The following HS3ST4 variants were observed in gnomAD, a reference collection of about 807,000 sequenced individuals.
The protein encoded by HS3ST4 is heparan sulfate glucosamine 3-O-sulfotransferase 4.
In HS3ST4, 17 loss-of-function variants were observed where a neutral mutation model predicts 29.2. The observed-to-expected ratio is 0.58, with a 90% confidence interval of 0.40 to 0.87. HS3ST4 has a LOEUF of 0.87. HS3ST4 is among the 40% of genes least tolerant of loss of function. The pLI is 0.00. For synonymous variants in HS3ST4, 314 were observed against 285.7 expected (o/e 1.10, Z -1.00); for missense variants, 627 against 634.5 (o/e 0.99, Z 0.13).
Position 25,692,900 on chromosome 16 carries a change from G to A in HS3ST4, c.483G>A (p.Ala161=), listed in dbSNP as rs2141576896. The change falls in exon 1 of 2, where the codon GCG becomes GCA. Residue 161 remains alanine, a synonymous_variant. Transcript: ENST00000331351. ...TAQSALPERE[A]QESSTTDEDL... is the part of the protein sequence containing the mutation. ...AGAGCGCGCTGCCGGAGAGGGAAGC[G>A]CAGGAGTCCAGCACCACCGACGAGG... 2 of 1,584,376 alleles carry A rather than the reference G, an allele frequency of 1.3e-6. No homozygotes were observed. The highest frequency in any genetic ancestry group is 1.7e-6 in the Non-Finnish European group (2 of 1,166,462).
At chr16:26,051,689 C>T (rs578085715) in intron 1 of HS3ST4, among the ~76,000 whole-genome samples, 1 of 150,890 alleles carries the variant, frequency 6.6e-6, no homozygotes, top group African/African-American at 2.4e-5. Flanking sequence ...TCTCATCTTC[C>T]CTCCCTCTCT....
intron 1 of HS3ST4, among the ~76,000 whole-genome samples, chr16:25,727,829 A>T (rs1383820577): frequency 2.0e-4 from 31 of 152,290 alleles, no homozygotes; most frequent in Admixed American, 2.0e-3. Context: ...GGAAGACTAA[A>T]ACTAGGACAA....
chr16:25,813,996 G>A (rs1967067801), intron 1 of HS3ST4, among the ~76,000 whole-genome samples: 1 of 152,200 alleles, frequency 6.6e-6, no homozygotes, highest in African/African-American at 2.4e-5. Flanking sequence ...TTGAGCAAAT[G>A]AAGCCAGACC....
chr16:25,726,950 C>T (rs2141592006), intron 1 of HS3ST4, among the ~76,000 whole-genome samples: 1 of 152,226 alleles, frequency 6.6e-6, no homozygotes, highest in South Asian at 2.1e-4. Context: ...GTCATGGATT[C>T]ACTGATTCTC....
chr16:26,122,444 T>C (rs1410428867), intron 1 of HS3ST4, among the ~76,000 whole-genome samples: 1 of 151,636 alleles, frequency 6.6e-6, no homozygotes, highest in African/African-American at 2.4e-5. Flanking sequence ...TAAAAACCAA[T>C]GATCACATTG....
At chr16:25,936,434 T>C (rs1968517846) in intron 1 of HS3ST4, among the ~76,000 whole-genome samples, 1 of 152,196 alleles carries the variant, frequency 6.6e-6, no homozygotes, top group Non-Finnish European at 1.5e-5. Context: ...TAGGAACTCA[T>C]GCAAAAATCT....
intron 1 of HS3ST4, among the ~76,000 whole-genome samples, chr16:25,879,118 C>T (rs1278999868): frequency 2.6e-5 from 4 of 152,124 alleles, no homozygotes; most frequent in Admixed American, 6.6e-5. Flanking sequence ...CTTTAGAGGT[C>T]CATTTAATTC....
At chr16:26,017,296 C>G (rs556684835) in intron 1 of HS3ST4, among the ~76,000 whole-genome samples, 1 of 152,308 alleles carries the variant, frequency 6.6e-6, no homozygotes, top group East Asian at 1.9e-4. Flanking sequence ...CTCTGTTTAG[C>G]AAATGCTTGG....
At chr16:26,044,347 C>T (rs1238254523) in intron 1 of HS3ST4, among the ~76,000 whole-genome samples, 1 of 152,138 alleles carries the variant, frequency 6.6e-6, no homozygotes, top group Non-Finnish European at 1.5e-5. Context: ...AGCCCCACAC[C>T]CCCATTCTCT....
At chr16:26,119,953 A>T (rs919270311) in intron 1 of HS3ST4, among the ~76,000 whole-genome samples, 2 of 152,112 alleles carry the variant, frequency 1.3e-5, no homozygotes, top group Non-Finnish European at 2.9e-5. Flanking sequence ...GAACGTTTTT[A>T]GGTGGGGTTC....
intron 1 of HS3ST4, among the ~76,000 whole-genome samples, chr16:25,829,578 G>A (rs8056435): frequency 4.0e-5 from 6 of 151,746 alleles, no homozygotes; most frequent in East Asian, 2.0e-4. Flanking sequence ...CCCTTGCCCC[G>A]ACCCTGCAAC....
intron 1 of HS3ST4, among the ~76,000 whole-genome samples, chr16:26,020,764 G>A (rs1969405346): frequency 6.6e-6 from 1 of 152,194 alleles, no homozygotes. Context: ...ACCAGAATCT[G>A]CCTTCAAGTA....
chr16:26,010,952 C>T (rs534070120), intron 1 of HS3ST4, among the ~76,000 whole-genome samples: 75 of 152,216 alleles, frequency 4.9e-4, no homozygotes, highest in Non-Finnish European at 9.8e-4. Context: ...ACAATAGCTA[C>T]TCTCTCCTAA....
At chr16:25,912,220 T>A (rs1394570566) in intron 1 of HS3ST4, among the ~76,000 whole-genome samples, 1 of 152,176 alleles carries the variant, frequency 6.6e-6, no homozygotes, top group Non-Finnish European at 1.5e-5. Context: ...GGGTCTGGAA[T>A]CTACCAATAT....
intron 1 of HS3ST4, among the ~76,000 whole-genome samples, chr16:26,004,288 A>G (rs1969237744): frequency 6.6e-6 from 1 of 152,220 alleles, no homozygotes; most frequent in Non-Finnish European, 1.5e-5. Flanking sequence ...TCTGAGCAAC[A>G]GGTACACTTT....
In HS3ST4 at chr16:25,778,737, G is replaced by A. The variant is rs147681806; in HGVS notation, c.734+85586G>A. 6.8e-3 allele frequency among the ~76,000 whole-genome samples: 1,040 copies of A among 152,108 alleles called. 14 individuals are homozygous for A. The highest frequency in any genetic ancestry group is 0.024 in the African/African-American group (989 of 41,502). On this transcript the variant is annotated intron_variant, in intron 1 of 1. Transcript: ENST00000331351. ...AGAAGCAGGAGAAGGAGGAGAAGGA[G>A]AAGGAGGAGAAGAAGGAGGAGGAGA...
chr16:26,046,211 C>T (rs371839939), intron 1 of HS3ST4, among the ~76,000 whole-genome samples: 16 of 142,108 alleles, frequency 1.1e-4, no homozygotes, highest in East Asian at 6.3e-4. Context: ...AGTGCAATGG[C>T]GTGATCTCGG....
chr16:25,713,044 T>C, intron 1 of HS3ST4, among the ~76,000 whole-genome samples: 1 of 151,218 alleles, frequency 6.6e-6, no homozygotes, highest in East Asian at 1.9e-4. Flanking sequence ...TTTAAATGTT[T>C]TTTTTAATTT....
intron 1 of HS3ST4, among the ~76,000 whole-genome samples, chr16:26,070,334 T>C (rs987038447): frequency 3.9e-5 from 6 of 152,238 alleles, no homozygotes; most frequent in Non-Finnish European, 7.3e-5. Context: ...TTCATGTGTC[T>C]GTTGGGGGCA....
Sources: gnomAD v4.1 joint callset for allele counts (sites outside exome capture counted in the v4.1 genomes callset) on GRCh38, gnomAD v4.1.1 for gene constraint, MANE v1.5 for transcripts, NCBI Gene and HGNC (gene_info 2026-07-23, HGNC 2026-07-21) for gene names.